Variants in CACNA1D observed in about 807,000 individuals in gnomAD.
CACNA1D encodes the protein voltage-dependent L-type calcium channel subunit alpha-1D.
A neutral mutation model predicts 257.1 loss-of-function variants in CACNA1D; 55 were observed. The ratio of observed to expected loss-of-function variants is 0.21; its 90% CI spans 0.17 to 0.27. The LOEUF (loss-of-function observed/expected upper bound fraction) is 0.27. Ranked by LOEUF, CACNA1D falls within the 10% of genes least tolerant of loss-of-function variation. CACNA1D has a pLI of 1.00. For synonymous variants in CACNA1D, 980 were observed against 1,014.9 expected (o/e 0.97, Z 0.65); for missense variants, 1,876 against 2,784.0 (o/e 0.67, Z 7.34).
At chr3:53,511,322 A>G (rs905421623) in intron 3 of CACNA1D, among the ~76,000 whole-genome samples, 1 of 152,174 alleles carries the variant, frequency 6.6e-6, no homozygotes, top group Admixed American at 6.5e-5. Flanking sequence ...ACACCTGGAC[A>G]TGGAATTGGC....
chr3:53,618,622 C>A (rs908314382), intron 3 of CACNA1D, among the ~76,000 whole-genome samples: 2 of 152,214 alleles, frequency 1.3e-5, no homozygotes, highest in Non-Finnish European at 2.9e-5. Flanking sequence ...ATTTATTGCA[C>A]CTGCCCCTCC....
intron 3 of CACNA1D, among the ~76,000 whole-genome samples, chr3:53,621,408 A>G (rs2093695449): frequency 6.6e-6 from 1 of 152,136 alleles, no homozygotes; most frequent in South Asian, 2.1e-4. Context: ...CCTTATGCCA[A>G]TAGTAAGATT....
intron 20 of CACNA1D, among the ~76,000 whole-genome samples, chr3:53,736,808 A>G (rs1178473650): frequency 6.6e-6 from 1 of 151,484 alleles, no homozygotes; most frequent in Non-Finnish European, 1.5e-5. Flanking sequence ...GGATTGCCTG[A>G]GCACAGGAGG....
At chr3:53,540,798 A>G (rs1190721732) in intron 3 of CACNA1D, among the ~76,000 whole-genome samples, 1 of 151,932 alleles carries the variant, frequency 6.6e-6, no homozygotes, top group East Asian at 1.9e-4. Flanking sequence ...CTGGAGTGCA[A>G]TGGCGTGATC....
intron 3 of CACNA1D, among the ~76,000 whole-genome samples, chr3:53,591,190 A>G (rs2093299042): frequency 6.6e-6 from 1 of 151,954 alleles, no homozygotes; most frequent in South Asian, 2.1e-4. Context: ...GGAATACTCT[A>G]ATTCTTTCCT....
intron 3 of CACNA1D, among the ~76,000 whole-genome samples, chr3:53,611,372 A>C (rs1472078523): frequency 1.3e-5 from 2 of 152,186 alleles, no homozygotes; most frequent in Non-Finnish European, 1.5e-5. Flanking sequence ...GGCAACAGAG[A>C]TTGAGACCTT....
At chr3:53,738,978 C>T (rs1350318493) in intron 20 of CACNA1D, among the ~76,000 whole-genome samples, 1 of 152,080 alleles carries the variant, frequency 6.6e-6, no homozygotes, top group Non-Finnish European at 1.5e-5. Flanking sequence ...CTTCCATAGC[C>T]TGGCCAAGAA....
chr3:53,804,916 A>G, intron 44 of CACNA1D, 67 bp from the exon 45 acceptor site: 1 of 1,427,670 alleles, frequency 7.0e-7, no homozygotes, highest in Admixed American at 1.7e-5. Context: ...TATGGATGTC[A>G]GTCTGGCAGG....
intron 4 of CACNA1D, 30 bp from the exon 5 acceptor site, chr3:53,660,103 T>A: frequency 6.2e-7 from 1 of 1,608,000 alleles, no homozygotes; most frequent in Non-Finnish European, 8.5e-7. Context: ...TAACAGACTC[T>A]AACATTTCTT....
chr3:53,641,294 T>C (rs1490436759), intron 3 of CACNA1D, among the ~76,000 whole-genome samples: 1 of 152,186 alleles, frequency 6.6e-6, no homozygotes, highest in Non-Finnish European at 1.5e-5. Context: ...CCTTCCCAGA[T>C]GCTCCGGACA....
At chr3:53,809,014 A>C in intron 46 of CACNA1D, 3 of 542,722 alleles carry the variant, frequency 5.5e-6, no homozygotes, top group Non-Finnish European at 9.9e-6. Flanking sequence ...AGCTGGCCTC[A>C]CTGCCCAGGT....
chr3:53,711,524 T>C (rs2094755347), intron 9 of CACNA1D, among the ~76,000 whole-genome samples: 1 of 152,162 alleles, frequency 6.6e-6, no homozygotes, highest in Non-Finnish European at 1.5e-5. Flanking sequence ...ACCAGCACAG[T>C]CGACCCAGTT....
In CACNA1D at chr3:53,776,006, T is replaced by G; in HGVS notation, c.4323T>G (p.Ile1441Met). The part of the protein sequence containing the change: ...EEYTCGSNFA[I>M]VYFISFYMLC... ...ATACATGTGGGAGCAACTTTGCCAT[T>G]GTCTATTTCATCAGTTTTTACATGC... Residue 1441 changes from isoleucine (I) to methionine (M), a missense_variant, in exon 35 of 48, where the codon ATT becomes ATG. Physicochemically the swap from Ile to Met is conservative, Grantham distance 10. This residue lies in a region of CACNA1D where 83 missense variants were observed against 210.7 expected (regional missense o/e 0.39). Transcript: ENST00000350061. 6.2e-7 allele frequency: 1 copy of G among 1,614,116 alleles called. No homozygotes were observed. Among genetic ancestry groups the G allele is most frequent in the Non-Finnish European group, 8.5e-7 (1 of 1,179,992 alleles).
chr3:53,807,078 C>A (rs1317253126), intron 45 of CACNA1D, among the ~76,000 whole-genome samples: 4 of 152,242 alleles, frequency 2.6e-5, no homozygotes, highest in Non-Finnish European at 5.9e-5. Flanking sequence ...CATTTCCCTC[C>A]TCCACCTGTG....
At chr3:53,663,051 A>G (rs908583759) in intron 5 of CACNA1D, among the ~76,000 whole-genome samples, 1 of 152,216 alleles carries the variant, frequency 6.6e-6, no homozygotes, top group Non-Finnish European at 1.5e-5. Flanking sequence ...CCATGTGGAC[A>G]TTTACATATC....
chr3:53,714,063 T>A (rs960099006), intron 9 of CACNA1D, among the ~76,000 whole-genome samples: 3 of 152,232 alleles, frequency 2.0e-5, no homozygotes, highest in Admixed American at 6.5e-5. Flanking sequence ...TCACAGGCTT[T>A]CCTAATGCTT....
intron 46 of CACNA1D, chr3:53,809,497 T>G: frequency 4.7e-6 from 1 of 211,862 alleles, no homozygotes; most frequent in Non-Finnish European, 9.6e-6. Context: ...GGTGGGATTG[T>G]AAGACCGGGG....
At chr3:53,564,654 G>C (rs1002038161) in intron 3 of CACNA1D, among the ~76,000 whole-genome samples, 1 of 152,090 alleles carries the variant, frequency 6.6e-6, no homozygotes, top group East Asian at 1.9e-4. Context: ...TTAAATTAGC[G>C]TTTATGGAGT....
intron 3 of CACNA1D, among the ~76,000 whole-genome samples, chr3:53,599,911 A>G (rs997643003): frequency 6.6e-6 from 1 of 152,240 alleles, no homozygotes; most frequent in Non-Finnish European, 1.5e-5. Context: ...AGACATTTAT[A>G]TGTTCAGACA....
Sources: allele counts gnomAD v4.1 joint callset (sites outside exome capture counted in the v4.1 genomes callset), GRCh38; gene constraint gnomAD v4.1.1; regional missense constraint gnomAD v4.1.1; transcripts MANE v1.5; gene names NCBI Gene and HGNC (gene_info 2026-07-23, HGNC 2026-07-21).